The following SNX22 variants were observed in gnomAD, a reference collection of about 807,000 sequenced individuals.
The protein encoded by SNX22 is sorting nexin-22.
Under a neutral mutation model 24.7 loss-of-function variants are expected in SNX22, and 23 were observed. The observed-to-expected ratio is 0.93, with a 90% CI of 0.67 to 1.32. SNX22 has a LOEUF of 1.32. Ranked by LOEUF, SNX22 falls within the 40% of genes most tolerant of loss-of-function variation. The pLI, the probability that SNX22 is intolerant of heterozygous loss-of-function variation, is 0.00. For synonymous variants in SNX22, 99 were observed against 104.0 expected (o/e 0.95, Z 0.29); for missense variants, 261 against 249.9 (o/e 1.04, Z -0.30).
Position 64,154,566 on chromosome 15 carries a change from C to T in SNX22, c.*58C>T. The T allele has an allele frequency of 6.3e-7, 1 of 1,598,678 alleles. No individual in the cohort carries two copies. Among genetic ancestry groups the T allele is most frequent in the African/African-American group, 1.3e-5 (1 of 74,562 alleles). ...AAGTCATGTGCCTCTGTCCTATGAA[C>T]TCCATATAAGGCTGGGTCCTCCTTT... On this transcript the variant is annotated 3_prime_UTR_variant, in exon 7 of 7. Transcript: ENST00000325881.
At chr15:64,153,068 GGTACAACCT>G (rs2081499009) in intron 3 of SNX22, 168 bp from the exon 4 acceptor site, 3 of 731,146 alleles carry the variant, frequency 4.1e-6, no homozygotes, top group Non-Finnish European at 6.7e-6. Context: ...CGCGTCATGG[GGTACAACCT>G]GTGCACACAG....
Position 64,156,995 on chromosome 15 carries a change from C to T in SNX22, c.*2487C>T. On this transcript the variant is annotated 3_prime_UTR_variant, in exon 7 of 7. Transcript: ENST00000325881. The surrounding 1 kb of genome is among the most constrained non-coding windows in gnomAD (Gnocchi z 6.4). The stretch of plus-strand genomic sequence containing the variant: ...GGGGCCAGGACTGAGGGGGCTTAAC[C>T]TGTCCTCTGTGCCAGGCTAGGCTGG... 1 of 1,387,616 alleles carries T rather than the reference C, an allele frequency of 7.2e-7. No individual in the cohort carries two copies. Among genetic ancestry groups the T allele is most frequent in the Non-Finnish European group, 1.0e-6 (1 of 994,518 alleles). 86.0% of individuals were successfully genotyped at this position (1,387,616 alleles called of 1,614,324 possible). A position where few individuals can be genotyped will look rare whatever the true frequency, so the allele number is the denominator to read the frequency against.
In SNX22 at chr15:64,152,167, C is replaced by T. The variant is rs758417310; in HGVS notation, c.76-76C>T. On this transcript the variant is annotated intron_variant, in intron 1 of 6. Coordinates refer to ENST00000325881, the MANE Select transcript of SNX22 (RefSeq NM_024798.3). ...GCCTTTGAGAGCGGGAGGGTGGGCACGTCGCCAGGCGCAGGTGCTGCGGCG... is the reference window on the plus strand; with the variant it reads ...GCCTTTGAGAGCGGGAGGGTGGGCATGTCGCCAGGCGCAGGTGCTGCGGCG... 780 of 1,283,902 alleles carry T rather than the reference C, an allele frequency of 6.1e-4. 1 individual carries two copies. The highest frequency in any genetic ancestry group is 7.2e-4 in the Non-Finnish European group (720 of 993,184). The allele number at this position is 1,283,902 out of a possible 1,614,324, so 79.5% of individuals were successfully genotyped here.
In SNX22 at chr15:64,152,710, C is replaced by T. The variant is rs2081496273; in HGVS notation, c.232C>T (p.Gln78Ter). 6.2e-7 allele frequency: 1 copy of T among 1,614,242 alleles called. No individual in the cohort carries two copies. The highest frequency in any genetic ancestry group is 8.5e-7 in the Non-Finnish European group (1 of 1,180,028). ...CAACTGGAGGACCAGAGGGTTGGAA[C>T]AGCGCCGGCAGGGCTTGGAGGCTTA... ...LPNWRTRGLE[Q>*]RRQGLEAYIQ... Residue 78 changes from glutamine to a stop codon, truncating the protein, a stop_gained, in exon 3 of 7, where the codon CAG becomes TAG. Transcript: ENST00000325881. LOFTEE classifies it high-confidence loss of function.
In SNX22 at chr15:64,153,884, G is replaced by A. The variant is rs553313023; in HGVS notation, c.393-51G>A. On this transcript the variant is annotated intron_variant, in intron 5 of 6. Coordinates refer to ENST00000325881, the MANE Select transcript of SNX22 (RefSeq NM_024798.3). ...CAACCCCGTCTCCACCCCTCTGTGG[G>A]ATTCTGCCCTGCCTCCCGCACCCAT... 3.1e-6 allele frequency: 5 copies of A among 1,595,554 alleles called. No individual in the cohort carries two copies. In the South Asian group the frequency reaches 4.5e-5, roughly 14 times the overall value.
At chr15:64,152,037 T>G (rs1454176201) in intron 1 of SNX22, 187 bp downstream of exon 1, 1 of 764,620 alleles carries the variant, frequency 1.3e-6, no homozygotes, top group East Asian at 3.3e-5. Context: ...GTTCGAGCTC[T>G]TGAGGGACCC....
At chr15:64,154,285 GC>G (rs1158541028) in intron 6 of SNX22, 101 bp from the exon 7 acceptor site, 1 of 1,584,366 alleles carries the variant, frequency 6.3e-7, no homozygotes, top group African/African-American at 1.3e-5. Flanking sequence ...GCTGTCTGCT[GC>G]CTTGGCAGGG....
intron 2 of SNX22, 64 bp downstream of exon 2, chr15:64,152,390 TG>T: frequency 6.9e-7 from 1 of 1,444,600 alleles, no homozygotes; most frequent in Non-Finnish European, 9.2e-7. Context: ...GCCCAGGCCC[TG>T]TGAGGCGGGC....
rs1405976455 is a variant in SNX22 at position 64,156,599 on chromosome 15, A to T, written c.*2091A>T. 7.9e-6 allele frequency: 9 copies of T among 1,135,048 alleles called. No homozygotes were observed. The East Asian group carries it at 1.2e-4, about 15-fold the overall frequency. 70.3% of individuals were successfully genotyped at this position (1,135,048 alleles called of 1,614,324 possible). A position where few individuals can be genotyped will look rare whatever the true frequency, so the allele number is the denominator to read the frequency against. On this transcript the variant is annotated 3_prime_UTR_variant, in exon 7 of 7. Transcript: ENST00000325881. The surrounding 1 kb of genome is among the most constrained non-coding windows in gnomAD (Gnocchi z 6.4). The stretch of plus-strand genomic sequence containing the variant: ...TACAGGGTTTATTCTGGACAGGAGC[A>T]CTGGGCTGCATCTGTGGGTTGGGTC...
At chr15:64,153,623 G>A (rs766093192) in intron 4 of SNX22, 29 bp from the exon 5 acceptor site, 3 of 1,614,038 alleles carry the variant, frequency 1.9e-6, no homozygotes, top group Non-Finnish European at 2.5e-6. Flanking sequence ...GCATCCCCAG[G>A]CAGCTTACAG....
rs952502789 is a variant in SNX22, at chr15:64,155,496, A to C, written c.*988A>C. On this transcript the variant is annotated 3_prime_UTR_variant, in exon 7 of 7. Coordinates refer to ENST00000325881, the MANE Select transcript of SNX22 (RefSeq NM_024798.3). Reference sequence around the variant, plus strand: ...TGAGACCAGCCAGCGCAACATAGTGAGACCTGTCTCTACCAAAAAAAAAAA... The same window carrying C: ...TGAGACCAGCCAGCGCAACATAGTGCGACCTGTCTCTACCAAAAAAAAAAA... 2 of 157,554 alleles carry C rather than the reference A, an allele frequency of 1.3e-5. No individual in the cohort carries two copies. Among genetic ancestry groups the C allele is most frequent in the African/African-American group, 2.6e-5 (1 of 37,878 alleles). 9.8% of individuals were successfully genotyped at this position (157,554 alleles called of 1,614,324 possible).
At chr15:64,153,418 C>A (rs1279739471) in intron 4 of SNX22, 79 bp downstream of exon 4, 3 of 1,591,166 alleles carry the variant, frequency 1.9e-6, no homozygotes, top group Non-Finnish European at 2.6e-6. Context: ...CAAGCCCTTT[C>A]TTTTCACATC....
In SNX22 at chr15:64,151,862, C is replaced by T. The variant is rs2081488328; in HGVS notation, c.75+12C>T. On this transcript the variant is annotated intron_variant, in intron 1 of 6. Transcript: ENST00000325881. ...AGAAAAGCCACATGGTGAGCGCGGCCCCTGGATGGGGAGGGGCGCCGGGAC... is the reference window on the plus strand; with the variant it reads ...AGAAAAGCCACATGGTGAGCGCGGCTCCTGGATGGGGAGGGGCGCCGGGAC... 2.6e-6 allele frequency: 4 copies of T among 1,530,024 alleles called. No homozygotes were observed. Among genetic ancestry groups the T allele is most frequent in the Non-Finnish European group, 2.6e-6 (3 of 1,140,806 alleles). 94.8% of individuals were successfully genotyped at this position (1,530,024 alleles called of 1,614,324 possible). A position where few individuals can be genotyped will look rare whatever the true frequency, so the allele number is the denominator to read the frequency against.
intron 1 of SNX22, 106 bp downstream of exon 1, chr15:64,151,956 G>T: frequency 3.5e-6 from 4 of 1,142,010 alleles, no homozygotes; most frequent in South Asian, 3.3e-5. Context: ...GAGCGCTGCG[G>T]GCTGGACCGT....
chr15:64,152,835 C>A, intron 3 of SNX22, 93 bp downstream of exon 3: 1 of 1,110,324 alleles, frequency 9.0e-7, no homozygotes, highest in South Asian at 1.3e-5. Context: ...GGAGGGAACC[C>A]ACAACTTGGG....
Position 64,156,694 on chromosome 15 carries a change from C to T in SNX22, c.*2186C>T. On this transcript the variant is annotated 3_prime_UTR_variant, in exon 7 of 7. Transcript: ENST00000325881. This position sits in a 1 kb window ranked among gnomAD's most constrained non-coding sequence, Gnocchi z 6.4. Reference sequence around the variant, plus strand: ...TGTGTTGAATCCCCGGTGAGGATTGCCCAGTAGTAGCCCTTGCTTCCACAA... The same window carrying T: ...TGTGTTGAATCCCCGGTGAGGATTGTCCAGTAGTAGCCCTTGCTTCCACAA... The T allele has an allele frequency of 1.2e-6, 2 of 1,613,392 alleles. No individual in the cohort carries two copies. The highest frequency in any genetic ancestry group is 1.7e-6 in the Non-Finnish European group (2 of 1,179,352).
Position 64,156,975 on chromosome 15 carries a change from C to T in SNX22, c.*2467C>T. On this transcript the variant is annotated 3_prime_UTR_variant, in exon 7 of 7. Coordinates refer to ENST00000325881, the MANE Select transcript of SNX22 (RefSeq NM_024798.3). The surrounding 1 kb of genome is among the most constrained non-coding windows in gnomAD (Gnocchi z 6.4). ...GCCAAACCAAGCAGACATTCGGGGC[C>T]AGGACTGAGGGGGCTTAACCTGTCC... is the stretch of plus-strand genomic sequence containing the variant. 6.5e-6 allele frequency: 10 copies of T among 1,540,558 alleles called. No homozygotes were observed. Among genetic ancestry groups the T allele is most frequent in the South Asian group, 1.1e-5 (1 of 88,176 alleles).
chr15:64,152,471 T>G, intron 2 of SNX22, 145 bp downstream of exon 2: 2 of 1,221,194 alleles, frequency 1.6e-6, no homozygotes, highest in Non-Finnish European at 2.3e-6. Flanking sequence ...CCCCCGGGCC[T>G]CTGTGGGTGG....
Position 64,152,256 on chromosome 15 carries a change from A to G in SNX22, c.89A>G (p.Glu30Gly), listed in dbSNP as rs1427302293. Residue 30 changes from glutamate to glycine, a missense_variant, in exon 2 of 7, where the codon GAG (glutamate) becomes GGG (glycine). By Grantham distance (98) the Glu-to-Gly change is moderately conservative (BLOSUM62 -2). Transcript: ENST00000325881. The stretch of plus-strand genomic sequence containing the variant: ...CCGCGCCGCCAGGTGTTCCGAGTGG[A>G]GGTGCTGTGCAGCGGGCGCAGACAC... Reference protein sequence around the residue: ...PEKSHMVFRVEVLCSGRRHTV... With the variant: ...PEKSHMVFRVGVLCSGRRHTV... 8 of 1,439,240 alleles carry G rather than the reference A, an allele frequency of 5.6e-6. No homozygotes were observed. Among genetic ancestry groups the G allele is most frequent in the Non-Finnish European group, 7.2e-6 (8 of 1,105,836 alleles). The allele number at this position is 1,439,240 out of a possible 1,614,324, so 89.2% of individuals were successfully genotyped here.
Sources: allele counts gnomAD v4.1 joint callset, GRCh38; gene constraint gnomAD v4.1.1; non-coding constraint Gnocchi (gnomAD v3.1); transcripts MANE v1.5; gene names NCBI Gene and HGNC (gene_info 2026-07-23, HGNC 2026-07-21).